GALNTL6: variants seen among roughly 807,000 people sequenced by gnomAD.
The protein encoded by GALNTL6 is polypeptide N-acetylgalactosaminyltransferase-like 6.
GALNTL6 carries 46 observed loss-of-function variants against 73.7 expected under a neutral mutation model. The ratio of observed to expected loss-of-function variants is 0.62; its 90% CI spans 0.49 to 0.80. The LOEUF is 0.80. GALNTL6 is among the 30% of genes least tolerant of loss of function. The pLI is 0.00. For synonymous variants in GALNTL6, 259 were observed against 263.7 expected (o/e 0.98, Z 0.17); for missense variants, 604 against 755.0 (o/e 0.80, Z 2.34).
At chr4:171,995,549 T>C (rs1182342866) in intron 2 of GALNTL6, among the ~76,000 whole-genome samples, 2 of 152,056 alleles carry the variant, frequency 1.3e-5, no homozygotes, top group African/African-American at 2.4e-5. Flanking sequence ...TATATTATTA[T>C]GTGACAAAAA....
At chr4:172,876,220 T>G (rs540292042) in intron 7 of GALNTL6, among the ~76,000 whole-genome samples, 12 of 152,212 alleles carry the variant, frequency 7.9e-5, no homozygotes, top group African/African-American at 2.2e-4. Flanking sequence ...ATAACAGTAT[T>G]ATATGTCATT....
At chr4:172,047,225 G>A (rs192856058) in intron 2 of GALNTL6, among the ~76,000 whole-genome samples, 15 of 152,232 alleles carry the variant, frequency 9.9e-5, no homozygotes, top group Non-Finnish European at 1.5e-5. Flanking sequence ...GTTGCATTGA[G>A]GCAGCGGCTC....
At chr4:171,927,525 T>C (rs1469443649) in intron 2 of GALNTL6, among the ~76,000 whole-genome samples, 1 of 152,164 alleles carries the variant, frequency 6.6e-6, no homozygotes, top group Non-Finnish European at 1.5e-5. Context: ...GTTTCTCTGT[T>C]CTCTCATACC....
intron 5 of GALNTL6, among the ~76,000 whole-genome samples, chr4:172,503,816 G>T (rs1186796666): frequency 6.6e-6 from 1 of 151,932 alleles, no homozygotes; most frequent in Non-Finnish European, 1.5e-5. Context: ...ATCAGAATGG[G>T]CAAGTAATGC....
At chr4:172,291,887 A>C (rs1475574264) in intron 3 of GALNTL6, among the ~76,000 whole-genome samples, 2 of 152,192 alleles carry the variant, frequency 1.3e-5, no homozygotes, top group African/African-American at 4.8e-5. Flanking sequence ...AAACAATTCA[A>C]GTCATGTATT....
intron 10 of GALNTL6, among the ~76,000 whole-genome samples, chr4:172,993,964 C>A (rs1200923013): frequency 6.6e-6 from 1 of 152,142 alleles, no homozygotes; most frequent in Middle Eastern, 3.2e-3. Flanking sequence ...TTGACACCCA[C>A]CCTTCATATC....
chr4:172,046,309 TTTA>T (rs1358228384), intron 2 of GALNTL6, among the ~76,000 whole-genome samples: 1 of 152,078 alleles, frequency 6.6e-6, no homozygotes, highest in African/African-American at 2.4e-5. Flanking sequence ...CAAATTTTAG[TTTA>T]TTATTATTAT....
chr4:172,468,637 A>C (rs1043732082), intron 5 of GALNTL6, among the ~76,000 whole-genome samples: 11 of 152,222 alleles, frequency 7.2e-5, no homozygotes, highest in Non-Finnish European at 1.2e-4. Context: ...CCTACTGTTT[A>C]TGACACAACT....
At chr4:172,767,569 TTTAAAATTCTA>T (rs1343447527) in intron 5 of GALNTL6, among the ~76,000 whole-genome samples, 1 of 152,098 alleles carries the variant, frequency 6.6e-6, no homozygotes, top group Admixed American at 6.5e-5. Flanking sequence ...TTTAAGGTAG[TTTAAAATTCTA>T]GTAAAACTAG....
intron 2 of GALNTL6, among the ~76,000 whole-genome samples, chr4:172,139,942 A>T (rs1309236218): frequency 6.6e-6 from 1 of 152,070 alleles, no homozygotes; most frequent in African/African-American, 2.4e-5. Flanking sequence ...AAATGTGTAT[A>T]TTGTACTCCA....
At chr4:172,795,085 G>A (rs1030775014) in intron 5 of GALNTL6, among the ~76,000 whole-genome samples, 2 of 152,180 alleles carry the variant, frequency 1.3e-5, no homozygotes, top group African/African-American at 4.8e-5. Flanking sequence ...CTCGCAAAAT[G>A]GAGTAGGTAA....
chr4:172,478,653 A>G (rs1382472411), intron 5 of GALNTL6, among the ~76,000 whole-genome samples: 1 of 152,176 alleles, frequency 6.6e-6, no homozygotes, highest in African/African-American at 2.4e-5. Flanking sequence ...AACAAAAATG[A>G]ATAAATGAGA....
intron 5 of GALNTL6, among the ~76,000 whole-genome samples, chr4:172,633,379 A>G (rs1452830684): frequency 6.6e-6 from 1 of 152,200 alleles, no homozygotes. Context: ...AAAGACAATC[A>G]TTTTGGAGCT....
At chr4:173,002,268 T>C (rs928122913) in intron 10 of GALNTL6, among the ~76,000 whole-genome samples, 1 of 151,680 alleles carries the variant, frequency 6.6e-6, no homozygotes, top group Non-Finnish European at 1.5e-5. Flanking sequence ...TGCACACCTG[T>C]AGTCCCAGCT....
chr4:172,236,241 C>T (rs1737235571), intron 3 of GALNTL6, among the ~76,000 whole-genome samples: 1 of 152,122 alleles, frequency 6.6e-6, no homozygotes, highest in African/African-American at 2.4e-5. Context: ...AATTCAGAAA[C>T]TCCTTCCCAA....
At chr4:172,800,309 T>C (rs1740561802) in intron 5 of GALNTL6, among the ~76,000 whole-genome samples, 1 of 152,176 alleles carries the variant, frequency 6.6e-6, no homozygotes. Flanking sequence ...ATGGGTGAAA[T>C]GAAGAAGTGA....
intron 5 of GALNTL6, among the ~76,000 whole-genome samples, chr4:172,385,399 A>G (rs1331212253): frequency 6.6e-6 from 1 of 152,042 alleles, no homozygotes; most frequent in Non-Finnish European, 1.5e-5. Flanking sequence ...TTATCACTGA[A>G]TTATCAATTA....
At chr4:172,963,455 A>G (rs1184120297) in intron 10 of GALNTL6, among the ~76,000 whole-genome samples, 1 of 152,198 alleles carries the variant, frequency 6.6e-6, no homozygotes, top group Non-Finnish European at 1.5e-5. Flanking sequence ...CTCTCCCACT[A>G]GAAAGTAAAC....
At chr4:172,343,145 A>G (rs528579108) in intron 4 of GALNTL6, among the ~76,000 whole-genome samples, 33 of 152,232 alleles carry the variant, frequency 2.2e-4, no homozygotes, top group Non-Finnish European at 4.3e-4. Flanking sequence ...ACAAAAAACA[A>G]ACAAACAAAA....
Sources: allele counts gnomAD v4.1 joint callset (sites outside exome capture counted in the v4.1 genomes callset), GRCh38; gene constraint gnomAD v4.1.1; transcripts MANE v1.5; gene names NCBI Gene and HGNC (gene_info 2026-07-23, HGNC 2026-07-21).